Variants in CECR2 observed in about 807,000 individuals in gnomAD.
The protein encoded by CECR2 is CECR2 histone acetyl-lysine reader, also known as chromatin remodeling regulator CECR2.
Under a neutral mutation model 154.5 loss-of-function variants are expected in CECR2, and 30 were observed. The ratio of observed to expected loss-of-function variants is 0.19; its 90% confidence interval spans 0.15 to 0.26. The LOEUF (loss-of-function observed/expected upper bound fraction) is 0.26. Ranked by LOEUF, CECR2 falls within the 10% of genes least tolerant of loss-of-function variation. The probability of loss-of-function intolerance (pLI) is 1.00; values close to 1 mark genes in which losing one functional copy is unlikely to be tolerated. For synonymous variants in CECR2, 725 were observed against 683.7 expected (o/e 1.06, Z -0.94); for missense variants, 1,743 against 1,829.3 (o/e 0.95, Z 0.86).
chr22:17,468,676 CA>C (rs2055072213), intron 1 of CECR2, among the ~76,000 whole-genome samples: 1 of 152,036 alleles, frequency 6.6e-6, no homozygotes, highest in Non-Finnish European at 1.5e-5. Context: ...CCTGTCTCTC[CA>C]AAAAACCAGC....
chr22:17,375,302 CGG>C (rs1225716229), intron 1 of CECR2, among the ~76,000 whole-genome samples: 1 of 151,690 alleles, frequency 6.6e-6, no homozygotes, highest in Admixed American at 6.6e-5. Flanking sequence ...TTAGTACAGA[CGG>C]GGGTTTCTCG....
rs2056211067 is a variant in CECR2 at position 17,524,245 on chromosome 22, TGGA to T, written c.1087_1089del (p.Glu363del). The T allele has an allele frequency of 1.2e-6, 2 of 1,609,560 alleles. No individual in the cohort carries two copies. The highest frequency in any genetic ancestry group is 1.7e-6 in the Non-Finnish European group (2 of 1,178,222). On this transcript the variant is annotated inframe_deletion, in exon 9 of 19. Transcript: ENST00000262608. ...CTAAAGGAAGAGAGGAAACGCGAGT[TGGA>T]GGAGAAGGTCAAGGCAGTGGAAGGT...
chr22:17,497,265 G>C, intron 2 of CECR2, 138 bp from the exon 3 acceptor site: 1 of 803,732 alleles, frequency 1.2e-6, no homozygotes, highest in Non-Finnish European at 1.9e-6. Flanking sequence ...GCTCTAGCCT[G>C]GATGACAGAG....
intron 1 of CECR2, among the ~76,000 whole-genome samples, chr22:17,441,106 G>A (rs534694292): frequency 9.9e-5 from 15 of 152,092 alleles, no homozygotes; most frequent in Admixed American, 8.5e-4. Context: ...ATGCCACCAC[G>A]CCCGGCTAAT....
At chr22:17,458,336 C>T (rs2054885474) in intron 1 of CECR2, among the ~76,000 whole-genome samples, 1 of 151,716 alleles carries the variant, frequency 6.6e-6, no homozygotes, top group Non-Finnish European at 1.5e-5. Flanking sequence ...ATTGCTTGAA[C>T]CCAAGAGTTG....
intron 9 of CECR2, among the ~76,000 whole-genome samples, chr22:17,532,697 A>ATTTTTTTTTTT (rs1158636788): frequency 3.4e-5 from 1 of 29,366 alleles, no homozygotes; most frequent in African/African-American, 1.2e-4. Context: ...ATTCATTATT[A>ATTTTTTTTTTT]TTCTTTTTTT....
chr22:17,550,691 C>T (rs1262586945), intron 17 of CECR2, among the ~76,000 whole-genome samples: 1 of 152,112 alleles, frequency 6.6e-6, no homozygotes, highest in African/African-American at 2.4e-5. Context: ...ACCTGTAATC[C>T]CAGCACTTCG....
intron 6 of CECR2, among the ~76,000 whole-genome samples, chr22:17,503,514 AT>A (rs2055777885): frequency 6.6e-6 from 1 of 152,222 alleles, no homozygotes; most frequent in Admixed American, 6.5e-5. Flanking sequence ...TGTAATCCAA[AT>A]AACATAAAAA....
At chr22:17,501,896 T>G (rs2055744829) in intron 5 of CECR2, among the ~76,000 whole-genome samples, 1 of 152,190 alleles carries the variant, frequency 6.6e-6, no homozygotes, top group South Asian at 2.1e-4. Flanking sequence ...TTTTTTCCTT[T>G]AGAGCTGTGT....
At position 17,554,093 on chromosome 22, in the gene CECR2, G is replaced by C. The variant is rs1002154368; in HGVS notation, c.*1253G>C. ...GTTCTTGGAATTATCTGTTGTATCT[G>C]TGATAGGAAACCATTTTACAGTATT... On this transcript the variant is annotated 3_prime_UTR_variant, in exon 19 of 19. Transcript: ENST00000262608. The C allele has an allele frequency of 6.6e-6, 1 of 152,196 alleles. No homozygotes were observed. The highest frequency in any genetic ancestry group is 1.5e-5 in the Non-Finnish European group (1 of 68,026). The allele number at this position is 152,196 out of a possible 1,614,324, so 9.4% of individuals were successfully genotyped here.
intron 14 of CECR2, among the ~76,000 whole-genome samples, 158 bp downstream of exon 14, chr22:17,540,958 C>G (rs2056514520): frequency 6.6e-6 from 1 of 152,230 alleles, no homozygotes; most frequent in Admixed American, 6.5e-5. Context: ...ATTTTGTTTA[C>G]TTTTTAGTAG....
chr22:17,538,949 C>T (rs1242676661), intron 12 of CECR2, 44 bp from the exon 13 acceptor site: 1 of 1,594,826 alleles, frequency 6.3e-7, no homozygotes, highest in Admixed American at 1.7e-5. Flanking sequence ...GGAATGTTTG[C>T]TCTCAGCATA....
chr22:17,367,683 G>C (rs766312904), upstream of CECR2, among the ~76,000 whole-genome samples: 2 of 151,668 alleles, frequency 1.3e-5, no homozygotes, highest in Non-Finnish European at 2.9e-5. Flanking sequence ...CACCGCGCCC[G>C]GCCAACTCAC....
At chr22:17,415,342 A>G (rs1379032266) in intron 1 of CECR2, among the ~76,000 whole-genome samples, 1 of 152,110 alleles carries the variant, frequency 6.6e-6, no homozygotes, top group Non-Finnish European at 1.5e-5. Flanking sequence ...GGCTCAAGCC[A>G]TCCTTCCACC....
At chr22:17,420,063 T>C (rs1221247560) in intron 1 of CECR2, among the ~76,000 whole-genome samples, 1 of 152,224 alleles carries the variant, frequency 6.6e-6, no homozygotes, top group Non-Finnish European at 1.5e-5. Context: ...TATTTACAGC[T>C]GTCCTTGAAC....
intron 9 of CECR2, among the ~76,000 whole-genome samples, chr22:17,528,247 G>A (rs1296783): frequency 0.14 from 21,117 of 152,146 alleles, 1,931 homozygotes; most frequent in Non-Finnish European, 0.2. Context: ...AGATGCAGTC[G>A]TTTGCAACAA....
intron 1 of CECR2, among the ~76,000 whole-genome samples, chr22:17,468,208 A>T (rs925331133): frequency 6.6e-6 from 1 of 152,192 alleles, no homozygotes; most frequent in African/African-American, 2.4e-5. Context: ...GAAAATAAGT[A>T]ATATGTGGGC....
chr22:17,525,579 C>T (rs760209407), intron 9 of CECR2, among the ~76,000 whole-genome samples: 58 of 152,268 alleles, frequency 3.8e-4, no homozygotes, highest in South Asian at 2.1e-3. Flanking sequence ...GCACTCCAGC[C>T]TGGGCGACAG....
At chr22:17,381,240 T>C (rs1327609705) in intron 1 of CECR2, among the ~76,000 whole-genome samples, 1 of 152,258 alleles carries the variant, frequency 6.6e-6, no homozygotes, top group East Asian at 1.9e-4. Context: ...CTTTTCACAT[T>C]GGTTCTGAAA....
Sources: gnomAD v4.1 joint callset for allele counts (sites outside exome capture counted in the v4.1 genomes callset) on GRCh38, gnomAD v4.1.1 for gene constraint, MANE v1.5 for transcripts, NCBI Gene and HGNC (gene_info 2026-07-23, HGNC 2026-07-21) for gene names.